Variants in PACRG observed in about 807,000 individuals in gnomAD.
PACRG encodes parkin coregulated gene protein.
Under a neutral mutation model 29.7 loss-of-function variants are expected in PACRG, and 29 were observed. The ratio of observed to expected loss-of-function variants is 0.98; its 90% confidence interval spans 0.73 to 1.33. The LOEUF is 1.33. Among genes scored for constraint, PACRG ranks in the 40% most tolerant of loss-of-function variants. The pLI is 0.00. For missense variants in PACRG, 279 were observed against 316.2 expected (o/e 0.88, Z 0.89); for synonymous variants, 116 against 118.7 (o/e 0.98, Z 0.15).
chr6:163,239,850 ACT>A (rs976232221), intron 4 of PACRG, among the ~76,000 whole-genome samples: 18 of 131,728 alleles, frequency 1.4e-4, no homozygotes, highest in African/African-American at 3.8e-4. Context: ...ATACACACAC[ACT>A]CTCACACTCC....
At chr6:163,283,181 G>T (rs1247571089) in intron 4 of PACRG, among the ~76,000 whole-genome samples, 1 of 152,206 alleles carries the variant, frequency 6.6e-6, no homozygotes, top group Non-Finnish European at 1.5e-5. Context: ...ATAAATGTGG[G>T]TGATGTGAAT....
chr6:162,933,847 C>T (rs1050385625), intron 2 of PACRG, among the ~76,000 whole-genome samples: 3 of 152,036 alleles, frequency 2.0e-5, no homozygotes, highest in Non-Finnish European at 4.4e-5. Flanking sequence ...CTACTTTCAT[C>T]ATGGTGGAAG....
chr6:162,796,829 A>G (rs1785422233), intron 1 of PACRG, among the ~76,000 whole-genome samples: 1 of 152,232 alleles, frequency 6.6e-6, no homozygotes, highest in African/African-American at 2.4e-5. Flanking sequence ...CCAATGCTAA[A>G]TGATGAGTTG....
intron 2 of PACRG, among the ~76,000 whole-genome samples, chr6:162,909,553 TCAAA>T (rs1562722244): frequency 1.2e-5 from 1 of 81,922 alleles, no homozygotes; most frequent in Admixed American, 1.4e-4. Context: ...AGACTCCATC[TCAAA>T]AAAAAAAAAA....
At chr6:163,304,473 C>T (rs1785121398) in intron 4 of PACRG, among the ~76,000 whole-genome samples, 1 of 152,098 alleles carries the variant, frequency 6.6e-6, no homozygotes, top group Non-Finnish European at 1.5e-5. Flanking sequence ...TTACCATGAT[C>T]CTTTCCCCCC....
intron 4 of PACRG, among the ~76,000 whole-genome samples, chr6:163,120,607 A>G (rs1816223409): frequency 6.6e-6 from 1 of 152,166 alleles, no homozygotes; most frequent in Non-Finnish European, 1.5e-5. Context: ...AGTGCCTACT[A>G]TGTGCAAGGC....
At position 163,095,844 on chromosome 6, in the gene PACRG, A is replaced by G. The variant is rs1364568468; in HGVS notation, c.613+6436A>G. Among the ~76,000 whole-genome samples the G allele has an allele frequency of 1.8e-4, 28 of 152,294 alleles. No individual in the cohort carries two copies. The East Asian group carries it at 2.9e-3, about 16-fold the overall frequency. On this transcript the variant is annotated intron_variant, in intron 4 of 4. Coordinates refer to ENST00000366888, the MANE Select transcript of PACRG (RefSeq NM_001080379.2). ...CTATTTCCAAGTAAGGCCACATCCT[A>G]AAGTTCTGGAAAAGACAGGAATTTG...
intron 1 of PACRG, among the ~76,000 whole-genome samples, chr6:162,737,901 A>G (rs1033103793): frequency 5.9e-5 from 9 of 152,228 alleles, no homozygotes; most frequent in Non-Finnish European, 1.0e-4. Context: ...ATACCAAGCC[A>G]TCTCACTAAC....
At chr6:162,878,497 C>G (rs1793561223) in intron 2 of PACRG, among the ~76,000 whole-genome samples, 1 of 152,074 alleles carries the variant, frequency 6.6e-6, no homozygotes, top group Non-Finnish European at 1.5e-5. Flanking sequence ...GAATCTTTTT[C>G]TCATCTGTGC....
chr6:163,272,444 G>T (rs1278351749), intron 4 of PACRG, among the ~76,000 whole-genome samples: 4 of 152,104 alleles, frequency 2.6e-5, no homozygotes, highest in Non-Finnish European at 2.9e-5. Flanking sequence ...CCTCCTAAAT[G>T]TGACTATATT....
chr6:163,248,431 C>CAA (rs199676766), intron 4 of PACRG, among the ~76,000 whole-genome samples: 14,286 of 109,524 alleles, frequency 0.13, 786 homozygotes, highest in South Asian at 0.17. Flanking sequence ...ATATTTTATG[C>CAA]AAAAAAAAAA....
chr6:162,924,169 C>A (rs1310949521), intron 2 of PACRG, among the ~76,000 whole-genome samples: 1 of 151,770 alleles, frequency 6.6e-6, no homozygotes, highest in Non-Finnish European at 1.5e-5. Context: ...GGATTACTTT[C>A]TTGGTTTCTT....
At chr6:162,848,782 T>C (rs1790621108) in intron 2 of PACRG, among the ~76,000 whole-genome samples, 1 of 152,248 alleles carries the variant, frequency 6.6e-6, no homozygotes, top group African/African-American at 2.4e-5. Flanking sequence ...GAATATACAC[T>C]ATATGCCAGG....
At chr6:163,161,131 T>C (rs930427504) in intron 4 of PACRG, among the ~76,000 whole-genome samples, 1 of 152,180 alleles carries the variant, frequency 6.6e-6, no homozygotes, top group African/African-American at 2.4e-5. Context: ...ACATCACGTA[T>C]ACTTGGCTCT....
At chr6:163,147,590 G>A (rs1205668) in intron 4 of PACRG, among the ~76,000 whole-genome samples, 47,475 of 151,932 alleles carry the variant, frequency 0.31, 7,850 homozygotes, top group East Asian at 0.55. Flanking sequence ...TTGCCTTCAT[G>A]TTCACCTCCC....
chr6:162,912,562 A>G (rs959486402), intron 2 of PACRG, among the ~76,000 whole-genome samples: 1 of 151,040 alleles, frequency 6.6e-6, no homozygotes, highest in Non-Finnish European at 1.5e-5. Flanking sequence ...CATAAGTCAC[A>G]TATTATATTC....
intron 2 of PACRG, among the ~76,000 whole-genome samples, chr6:162,893,259 A>C (rs552561579): frequency 6.6e-6 from 1 of 152,254 alleles, no homozygotes; most frequent in East Asian, 1.9e-4. Flanking sequence ...CTGGACTGCC[A>C]TTGCCCTTAA....
intron 2 of PACRG, among the ~76,000 whole-genome samples, chr6:163,012,812 G>A (rs1055145651): frequency 1.3e-5 from 2 of 152,214 alleles, no homozygotes; most frequent in African/African-American, 2.4e-5. Flanking sequence ...CTTCACCTTT[G>A]CACCCTTTTG....
At chr6:163,067,549 G>A (rs1811665794) in intron 3 of PACRG, among the ~76,000 whole-genome samples, 1 of 152,182 alleles carries the variant, frequency 6.6e-6, no homozygotes, top group South Asian at 2.1e-4. Flanking sequence ...AACACTTTCA[G>A]TAAGGCAATC....
Sources: allele counts gnomAD v4.1 joint callset (sites outside exome capture counted in the v4.1 genomes callset), GRCh38; gene constraint gnomAD v4.1.1; transcripts MANE v1.5; gene names NCBI Gene and HGNC (gene_info 2026-07-23, HGNC 2026-07-21).